Variants in SPOCK2 observed in about 807,000 individuals in gnomAD.
The protein encoded by SPOCK2 is SPARC (osteonectin), cwcv and kazal like domains proteoglycan 2.
Under a neutral mutation model 60.1 loss-of-function variants are expected in SPOCK2, and 39 were observed. The observed-to-expected ratio is 0.65, with a 90% CI of 0.50 to 0.85. The LOEUF is 0.85. SPOCK2 is among the 40% of genes least tolerant of loss of function. The probability of loss-of-function intolerance (pLI) is 0.00; values close to 1 mark genes in which losing one functional copy is unlikely to be tolerated. For synonymous variants in SPOCK2, 217 were observed against 231.5 expected (o/e 0.94, Z 0.57); for missense variants, 523 against 567.4 (o/e 0.92, Z 0.80).
intron 1 of SPOCK2, among the ~76,000 whole-genome samples, chr10:72,085,113 T>C (rs924815415): frequency 2.6e-5 from 4 of 152,320 alleles, no homozygotes; most frequent in African/African-American, 9.6e-5. Flanking sequence ...AGGCCCTAGA[T>C]GCTTTGTTCC....
intron 5 of SPOCK2, 150 bp downstream of exon 5, chr10:72,070,150 GTGGCCCCAGTAT>G: frequency 1.6e-6 from 1 of 619,066 alleles, no homozygotes. Flanking sequence ...AGGGCTGCAG[GTGGCCCCAGTAT>G]GGCTGGCTGC....
chr10:72,078,915 G>T (rs1840750236), intron 1 of SPOCK2, among the ~76,000 whole-genome samples: 1 of 152,194 alleles, frequency 6.6e-6, no homozygotes, highest in East Asian at 1.9e-4. Context: ...TTCCTTGAGA[G>T]CAGAGACCAT....
intron 1 of SPOCK2, among the ~76,000 whole-genome samples, chr10:72,080,675 C>G (rs868796496): frequency 6.6e-6 from 1 of 151,936 alleles, no homozygotes; most frequent in Non-Finnish European, 1.5e-5. Context: ...TTGGAGGGGG[C>G]GGCAGAGGCT....
At chr10:72,075,245 C>T (rs1840701067) in intron 1 of SPOCK2, among the ~76,000 whole-genome samples, 1 of 152,144 alleles carries the variant, frequency 6.6e-6, no homozygotes, top group Non-Finnish European at 1.5e-5. Context: ...TCTCCATCAG[C>T]TGGGGTCTTC....
chr10:72,063,341 C>A (rs776806636), intron 9 of SPOCK2, among the ~76,000 whole-genome samples, 179 bp from the exon 10 acceptor site: 5 of 152,238 alleles, frequency 3.3e-5, no homozygotes, highest in African/African-American at 1.2e-4. Flanking sequence ...GCCAGCAATT[C>A]TTTCGGCTCT....
At position 72,070,442 on chromosome 10, in the gene SPOCK2, G is replaced by A; in HGVS notation, c.360-16C>T. 1 of 1,613,002 alleles carries A rather than the reference G, an allele frequency of 6.2e-7. No homozygotes were observed. The highest frequency in any genetic ancestry group is 8.5e-7 in the Non-Finnish European group (1 of 1,179,010). ...CTGCTTGATCCTACAGGAGAGGGTG[G>A]GGGGCACACCAGGGTGGAAGTGACA... On this transcript the variant is annotated splice_polypyrimidine_tract_variant and intron_variant, in intron 4 of 10. Coordinates refer to ENST00000373109, the MANE Select transcript of SPOCK2 (RefSeq NM_001244950.2).
intron 1 of SPOCK2, among the ~76,000 whole-genome samples, chr10:72,080,832 C>T (rs1840773954): frequency 6.6e-6 from 1 of 152,002 alleles, no homozygotes; most frequent in Non-Finnish European, 1.5e-5. Flanking sequence ...GGCCTGGGCT[C>T]AGGTATGCCT....
At chr10:72,071,330 C>T (rs1205737747) in intron 4 of SPOCK2, among the ~76,000 whole-genome samples, 1 of 152,142 alleles carries the variant, frequency 6.6e-6, no homozygotes, top group East Asian at 1.9e-4. Flanking sequence ...TCTGGGACTA[C>T]AGGCACAAGC....
intron 1 of SPOCK2, chr10:72,086,951 T>C: frequency 6.4e-7 from 1 of 1,551,606 alleles, no homozygotes; most frequent in African/African-American, 1.4e-5. Context: ...GGAGAGGTCA[T>C]GGTGTGGCCT....
intron 1 of SPOCK2, among the ~76,000 whole-genome samples, chr10:72,078,870 G>A (rs917251784): frequency 5.3e-5 from 8 of 152,252 alleles, no homozygotes; most frequent in South Asian, 2.1e-4. Flanking sequence ...AGGCAATGTC[G>A]CCTCTGCCTC....
chr10:72,088,322 C>T lies in SPOCK2; in HGVS notation c.7G>A (p.Ala3Thr). MR[A>T]PGCGRLVLPL... ...AGCACCAGCCGCCCGCAGCCCGGGG[C>T]GCGCATCGTGGTCTGGGTTCGACCT... Residue 3 changes from alanine to threonine, a missense_variant, in exon 1 of 11, where the codon GCC becomes ACC. By Grantham distance (58) the Ala-to-Thr change is moderately conservative. Coordinates refer to ENST00000373109, the MANE Select transcript of SPOCK2 (RefSeq NM_001244950.2). 1 of 1,576,508 alleles carries T rather than the reference C, an allele frequency of 6.3e-7. No individual in the cohort carries two copies. The highest frequency in any genetic ancestry group is 8.6e-7 in the Non-Finnish European group (1 of 1,165,180).
chr10:72,084,636 G>A (rs1293462931), intron 1 of SPOCK2, among the ~76,000 whole-genome samples: 1 of 152,170 alleles, frequency 6.6e-6, no homozygotes. Context: ...TTTCGCTAAG[G>A]GTGAGGCCTA....
At position 72,072,341 on chromosome 10, in the gene SPOCK2, C is replaced by T; in HGVS notation, c.245-83G>A. On this transcript the variant is annotated intron_variant, in intron 3 of 10. Transcript: ENST00000373109. ...CCCACTTCTGAGCTGGGAGGCCTCT[C>T]CCTCCAGCAGCCCTTGATAACCAGA... 2.1e-6 allele frequency: 3 copies of T among 1,452,176 alleles called. No homozygotes were observed. The Admixed American group carries it at 7.2e-5, about 35-fold the overall frequency. 90.0% of individuals were successfully genotyped at this position (1,452,176 alleles called of 1,614,324 possible).
At chr10:72,070,031 C>T (rs749061349) in intron 5 of SPOCK2, 15 of 325,992 alleles carry the variant, frequency 4.6e-5, no homozygotes, top group Non-Finnish European at 7.4e-5. Context: ...GTTCCTTTGA[C>T]TTGCAGTTAC....
chr10:72,086,886 G>C, intron 1 of SPOCK2: 1 of 1,551,114 alleles, frequency 6.4e-7, no homozygotes, highest in Non-Finnish European at 8.7e-7. Context: ...AAGCATGTGT[G>C]TTTTAAACAA....
rs1201278517 is a variant in SPOCK2 at position 72,087,090 on chromosome 10, C to A, written c.189+1050G>T. On this transcript the variant is annotated intron_variant, in intron 1 of 10. Coordinates refer to ENST00000373109, the MANE Select transcript of SPOCK2 (RefSeq NM_001244950.2). The surrounding 1 kb of genome is among the most constrained non-coding windows in gnomAD (Gnocchi z 4.7). ...TCGCCAGGAGCAGCCGGCGTCGCCT[C>A]TGGCGCATCCGGGCCCATCCCCCAC... 13 of 1,368,502 alleles carry A rather than the reference C, an allele frequency of 9.5e-6. No individual in the cohort carries two copies. Among genetic ancestry groups the A allele is most frequent in the African/African-American group, 1.5e-5 (1 of 68,180 alleles). 84.8% of individuals were successfully genotyped at this position (1,368,502 alleles called of 1,614,324 possible).
chr10:72,068,111 A>G, intron 6 of SPOCK2, 76 bp downstream of exon 6: 2 of 1,495,908 alleles, frequency 1.3e-6, no homozygotes, highest in Admixed American at 2.0e-5. Context: ...CACCTCTTCT[A>G]CCACCCTAGA....
intron 1 of SPOCK2, among the ~76,000 whole-genome samples, chr10:72,082,023 T>C (rs1431671273): frequency 6.6e-6 from 1 of 152,148 alleles, no homozygotes; most frequent in Non-Finnish European, 1.5e-5. Context: ...GGCTGACTGT[T>C]CCCAGACCCA....
chr10:72,066,953 T>C lies in SPOCK2; in HGVS notation c.877A>G (p.Lys293Glu), dbSNP rs139085775. 4.3e-4 allele frequency: 699 copies of C among 1,614,056 alleles called. No individual in the cohort carries two copies. Among genetic ancestry groups the C allele is most frequent in the Non-Finnish European group, 5.2e-4 (619 of 1,180,040 alleles). The stretch of plus-strand genomic sequence containing the variant: ...TCAGCAGTAGAGACCCGGCCATCCT[T>C]GTAGGTGTCACAGGAGTTGAAGAAG... ...RPFFNSCDTY[K>E]DGRVSTAEWC... Residue 293 changes from lysine to glutamate, a missense_variant, in exon 8 of 11, where the codon AAG becomes GAG. By Grantham distance (56) the Lys-to-Glu change is moderately conservative. Coordinates refer to ENST00000373109, the MANE Select transcript of SPOCK2 (RefSeq NM_001244950.2).
Sources: gnomAD v4.1 joint callset for allele counts (sites outside exome capture counted in the v4.1 genomes callset) on GRCh38, gnomAD v4.1.1 for gene constraint, Gnocchi (gnomAD v3.1) non-coding constraint, MANE v1.5 for transcripts, NCBI Gene and HGNC (gene_info 2026-07-23, HGNC 2026-07-21) for gene names.